The following KATNB1 variants were observed in gnomAD, a reference collection of about 807,000 sequenced individuals.
KATNB1 encodes katanin p80 WD40 repeat-containing subunit B1.
Under a neutral mutation model 82.3 loss-of-function variants are expected in KATNB1, and 38 were observed. The ratio of observed to expected loss-of-function variants is 0.46; its 90% CI spans 0.36 to 0.61. KATNB1 has a LOEUF of 0.61. Ranked by LOEUF, KATNB1 falls within the 20% of genes least tolerant of loss-of-function variation. KATNB1 has a pLI of 0.00. For synonymous variants in KATNB1, 361 were observed against 368.7 expected, an observed-to-expected ratio of 0.98 and a Z score of 0.24; for missense variants, 749 against 915.7, an observed-to-expected ratio of 0.82 and a Z score of 2.35.
chr16:57,751,515 C>T lies in KATNB1; in HGVS notation c.433-126C>T. 9.6e-7 allele frequency: 1 copy of T among 1,040,346 alleles called. No homozygotes were observed. The highest frequency in any genetic ancestry group is 1.5e-6 in the Non-Finnish European group (1 of 679,326). The allele number at this position is 1,040,346 out of a possible 1,614,324, so 64.4% of individuals were successfully genotyped here. A position where few individuals can be genotyped will look rare whatever the true frequency, so the allele number is the denominator to read the frequency against. On this transcript the variant is annotated intron_variant, in intron 6 of 19. Coordinates refer to ENST00000379661, the MANE Select transcript of KATNB1 (RefSeq NM_005886.3). This position sits in a 1 kb window ranked among gnomAD's most constrained non-coding sequence, Gnocchi z 6.3. ...CCCTAGAGCCACGTTCATCAAACTG[C>T]TCCAAGCAGAACCAGGCGGGTAACC...
At chr16:57,752,084 T>C in intron 8 of KATNB1, 29 bp downstream of exon 8, 1 of 1,410,670 alleles carries the variant, frequency 7.1e-7, no homozygotes, top group Non-Finnish European at 1.0e-6. Context: ...GCGAGTTGCT[T>C]GTGACTGCTG....
intron 3 of KATNB1, among the ~76,000 whole-genome samples, chr16:57,743,975 G>T (rs1020232169): frequency 1.3e-5 from 2 of 152,236 alleles, no homozygotes; most frequent in Admixed American, 1.3e-4. Context: ...CCTTGGTTCC[G>T]CTGTGGCTTA....
intron 16 of KATNB1, 86 bp from the exon 17 acceptor site, chr16:57,755,755 C>T (rs1555585835): frequency 2.3e-6 from 3 of 1,288,636 alleles, no homozygotes. Context: ...AGCACACCCA[C>T]ATTCACGTTC....
At position 57,752,053 on chromosome 16, in the gene KATNB1, C is replaced by T; in HGVS notation, c.630C>T (p.Asp210=). ...NEYLLASGSS[D]RTIRFWDLEK... ...ACCTCCTGGCCTCCGGCAGCTCTGA[C>T]AGGTGAGGAGGAGGAGCGAGGCGAG... The change falls in exon 8 of 20, where the codon GAC becomes GAT. Residue 210 remains aspartate, a splice_region_variant and synonymous_variant. Coordinates refer to ENST00000379661, the MANE Select transcript of KATNB1 (RefSeq NM_005886.3). 1.2e-6 allele frequency: 2 copies of T among 1,606,344 alleles called. No individual in the cohort carries two copies. The highest frequency in any genetic ancestry group is 1.7e-6 in the Non-Finnish European group (2 of 1,174,840).
At chr16:57,743,685 C>A (rs1555580388) in intron 3 of KATNB1, among the ~76,000 whole-genome samples, 1 of 152,252 alleles carries the variant, frequency 6.6e-6, no homozygotes, top group Non-Finnish European at 1.5e-5. Flanking sequence ...TCACACACAC[C>A]AGCCTCCCAG....
intron 4 of KATNB1, among the ~76,000 whole-genome samples, chr16:57,749,952 A>C (rs2049212785): frequency 6.6e-6 from 1 of 152,208 alleles, no homozygotes; most frequent in Non-Finnish European, 1.5e-5. Flanking sequence ...TGTGTGCACC[A>C]GGGCCACCCC....
intron 2 of KATNB1, 25 bp from the exon 3 acceptor site, chr16:57,741,662 C>A: frequency 6.2e-7 from 1 of 1,601,868 alleles, no homozygotes; most frequent in Admixed American, 1.7e-5. Flanking sequence ...GCCCTGATGG[C>A]CTCTCCCTCT....
chr16:57,756,785 T>G (rs781795056), intron 19 of KATNB1, 29 bp from the exon 20 acceptor site: 1 of 1,514,498 alleles, frequency 6.6e-7, no homozygotes, highest in Non-Finnish European at 8.9e-7. Context: ...TGGTGCCAGC[T>G]AGCCCCTCAG....
chr16:57,750,949 C>G, intron 5 of KATNB1, 22 bp downstream of exon 5: 1 of 1,585,676 alleles, frequency 6.3e-7, no homozygotes, highest in Non-Finnish European at 8.7e-7. Flanking sequence ...GTCCGTGCCC[C>G]GTGTCTCCTG....
At position 57,751,425 on chromosome 16, in the gene KATNB1, T is replaced by C. The variant is rs1193887891; in HGVS notation, c.432+123T>C. 15 of 1,106,900 alleles carry C rather than the reference T, an allele frequency of 1.4e-5. No individual in the cohort carries two copies. Among genetic ancestry groups the C allele is most frequent in the East Asian group, 4.8e-5 (2 of 41,376 alleles). The allele number at this position is 1,106,900 out of a possible 1,614,324, so 68.6% of individuals were successfully genotyped here. A position where few individuals can be genotyped will look rare whatever the true frequency, so the allele number is the denominator to read the frequency against. On this transcript the variant is annotated intron_variant, in intron 6 of 19. Transcript: ENST00000379661. This position sits in a 1 kb window ranked among gnomAD's most constrained non-coding sequence, Gnocchi z 6.3. Reference sequence around the variant, plus strand: ...CCCACATGGGTGATAACATAAAACATAGACCTGGAGCTGAGCAGGAGCGCC... The same window carrying C: ...CCCACATGGGTGATAACATAAAACACAGACCTGGAGCTGAGCAGGAGCGCC...
intron 4 of KATNB1, among the ~76,000 whole-genome samples, chr16:57,746,475 G>A (rs1173106471): frequency 6.6e-6 from 1 of 152,194 alleles, no homozygotes; most frequent in African/African-American, 2.4e-5. Flanking sequence ...GGTCGTCACT[G>A]GTTTCATGCG....
rs1013944609 is a variant in KATNB1 at position 57,751,447 on chromosome 16, C to T, written c.432+145C>T. 5.0e-6 allele frequency: 5 copies of T among 999,228 alleles called. No individual in the cohort carries two copies. Among genetic ancestry groups the T allele is most frequent in the African/African-American group, 3.2e-5 (2 of 62,876 alleles). The allele number at this position is 999,228 out of a possible 1,614,324, so 61.9% of individuals were successfully genotyped here. ...ACATAGACCTGGAGCTGAGCAGGAGCGCCATGGGCGGCCCACCTGGATCCC... is the reference window on the plus strand; with the variant it reads ...ACATAGACCTGGAGCTGAGCAGGAGTGCCATGGGCGGCCCACCTGGATCCC... On this transcript the variant is annotated intron_variant, in intron 6 of 19. Coordinates refer to ENST00000379661, the MANE Select transcript of KATNB1 (RefSeq NM_005886.3). The surrounding 1 kb of genome is among the most constrained non-coding windows in gnomAD (Gnocchi z 6.3).
intron 3 of KATNB1, among the ~76,000 whole-genome samples, chr16:57,742,643 T>C (rs1253218396): frequency 6.6e-6 from 1 of 152,274 alleles, no homozygotes; most frequent in Non-Finnish European, 1.5e-5. Context: ...AGTATTCTTT[T>C]ACAACATAAT....
chr16:57,753,952 G>C lies in KATNB1; in HGVS notation c.1185G>C (p.Thr395=). The change falls in exon 13 of 20, where the codon ACG becomes ACC. Residue 395 remains threonine (T), a synonymous_variant. Coordinates refer to ENST00000379661, the MANE Select transcript of KATNB1 (RefSeq NM_005886.3). ...IFQPKNSISR[T]PPRRSEPFPA... ...GGCCTCTTTCCTCTGCAGGTCGGAC[G>C]CCACCCCGGAGAAGTGAGCCCTTCC... The C allele has an allele frequency of 6.2e-7, 1 of 1,613,406 alleles. No individual in the cohort carries two copies. Among genetic ancestry groups the C allele is most frequent in the Non-Finnish European group, 8.5e-7 (1 of 1,179,854 alleles).
chr16:57,745,649 A>C (rs1394683266), intron 4 of KATNB1, among the ~76,000 whole-genome samples: 3 of 151,806 alleles, frequency 2.0e-5, no homozygotes, highest in African/African-American at 7.3e-5. Flanking sequence ...CACCACTCCC[A>C]GCCCCATGGC....
Position 57,753,949 on chromosome 16 carries a change from G to C in KATNB1, c.1182G>C (p.Arg394=). Residue 394 remains arginine (R), a synonymous_variant, in exon 13 of 20, where the codon CGG becomes CGC. Coordinates refer to ENST00000379661, the MANE Select transcript of KATNB1 (RefSeq NM_005886.3). ...EIFQPKNSIS[R]TPPRRSEPFP... The stretch of plus-strand genomic sequence containing the variant: ...AGGGGCCTCTTTCCTCTGCAGGTCG[G>C]ACGCCACCCCGGAGAAGTGAGCCCT... 6.2e-7 allele frequency: 1 copy of C among 1,613,504 alleles called. No individual in the cohort carries two copies. Among genetic ancestry groups the C allele is most frequent in the Non-Finnish European group, 8.5e-7 (1 of 1,179,912 alleles).
At chr16:57,750,983 C>T (rs1034043781) in intron 5 of KATNB1, 56 bp downstream of exon 5, 58 of 1,416,448 alleles carry the variant, frequency 4.1e-5, no homozygotes, top group South Asian at 6.9e-5. Context: ...AGGACCAGCC[C>T]GGCCCGGCCC....
In KATNB1 at chr16:57,754,406, G is replaced by T. The variant is rs370616588; in HGVS notation, c.1228+411G>T. ...GAAGAGAGAGAGAGAAGTGCTTCTG[G>T]CAGGAAGGGAGCTGAGAGGAGGTGA... On this transcript the variant is annotated intron_variant, in intron 13 of 19. Coordinates refer to ENST00000379661, the MANE Select transcript of KATNB1 (RefSeq NM_005886.3). Among the ~76,000 whole-genome samples, 227 of 152,338 alleles carry T rather than the reference G, an allele frequency of 1.5e-3. 5 individuals carry two copies. The South Asian group carries it at 0.044, about 30-fold the overall frequency.
chr16:57,737,999 A>G (rs1373005536), intron 2 of KATNB1, among the ~76,000 whole-genome samples: 1 of 152,226 alleles, frequency 6.6e-6, no homozygotes, highest in Non-Finnish European at 1.5e-5. Flanking sequence ...TATGCTTGAG[A>G]GCAAATGAGA....
Sources: gnomAD v4.1 joint callset for allele counts (sites outside exome capture counted in the v4.1 genomes callset) on GRCh38, gnomAD v4.1.1 for gene constraint, Gnocchi (gnomAD v3.1) non-coding constraint, MANE v1.5 for transcripts, NCBI Gene and HGNC (gene_info 2026-07-23, HGNC 2026-07-21) for gene names.